Variants in SCML4 observed in about 807,000 individuals in gnomAD.
SCML4 encodes sex comb on midleg-like protein 4.
In SCML4, 34 loss-of-function variants were observed where a neutral mutation model predicts 41.1. That is an observed-to-expected ratio of 0.83 (90% confidence interval 0.63 to 1.10). The LOEUF is 1.10. SCML4 is among the 50% of genes least tolerant of loss of function. The probability of loss-of-function intolerance (pLI) is 0.00; values close to 1 mark genes in which losing one functional copy is unlikely to be tolerated. For missense variants in SCML4, 522 were observed against 534.1 expected, an observed-to-expected ratio of 0.98 and a Z score of 0.22; for synonymous variants, 214 against 220.9, an observed-to-expected ratio of 0.97 and a Z score of 0.28.
chr6:107,711,322 TATAC>T (rs2114355248), intron 6 of SCML4, among the ~76,000 whole-genome samples: 1 of 152,330 alleles, frequency 6.6e-6, no homozygotes, highest in Admixed American at 6.5e-5. Flanking sequence ...TCAGAGTACA[TATAC>T]AGTCATGCAC....
chr6:107,740,968 G>A (rs892637605), intron 5 of SCML4, among the ~76,000 whole-genome samples: 1 of 152,166 alleles, frequency 6.6e-6, no homozygotes, highest in Non-Finnish European at 1.5e-5. Flanking sequence ...AATAACAAAA[G>A]GGGGAAGGTT....
At chr6:107,839,628 GATTAA>G in the SCML4 span, among the ~76,000 whole-genome samples, 2 of 152,098 alleles carry the variant, frequency 1.3e-5, no homozygotes, top group African/African-American at 4.8e-5. Context: ...GATTTTTAAG[GATTAA>G]ATTAAAATTT....
chr6:107,748,463 T>C (rs1778330544), intron 3 of SCML4, among the ~76,000 whole-genome samples: 1 of 152,182 alleles, frequency 6.6e-6, no homozygotes, highest in South Asian at 2.1e-4. Flanking sequence ...GGTGGTATTA[T>C]TACTGATTTA....
chr6:107,803,015 G>C (rs1783342166), intron 1 of SCML4, among the ~76,000 whole-genome samples: 1 of 151,690 alleles, frequency 6.6e-6, no homozygotes, highest in African/African-American at 2.4e-5. Flanking sequence ...CGAGGTGCCG[G>C]GATGGCAGAC....
chr6:107,770,324 A>G (rs1299835096), intron 2 of SCML4, among the ~76,000 whole-genome samples: 1 of 152,148 alleles, frequency 6.6e-6, no homozygotes, highest in Non-Finnish European at 1.5e-5. Context: ...TTTAAGGGGA[A>G]TCATTTGAAC....
chr6:107,731,370 T>C (rs1776526404), intron 5 of SCML4, among the ~76,000 whole-genome samples: 1 of 152,204 alleles, frequency 6.6e-6, no homozygotes, highest in Non-Finnish European at 1.5e-5. Flanking sequence ...ACAATTCCAC[T>C]ATGCAAAATT....
chr6:107,733,871 T>C (rs2141266), intron 5 of SCML4, among the ~76,000 whole-genome samples: 149,274 of 152,334 alleles, frequency 0.98, 73,210 homozygotes, highest in Middle Eastern at 1. Context: ...GACAGGCTCA[T>C]CAGAAACAGA....
intron 2 of SCML4, among the ~76,000 whole-genome samples, chr6:107,759,410 T>G (rs1583510372): frequency 6.6e-6 from 1 of 152,018 alleles, no homozygotes; most frequent in East Asian, 1.9e-4. Context: ...GGAGGCAAAG[T>G]GCAGAAAAGA....
At chr6:107,784,586 ACT>A (rs1300259934) in intron 1 of SCML4, among the ~76,000 whole-genome samples, 1 of 152,160 alleles carries the variant, frequency 6.6e-6, no homozygotes, top group East Asian at 1.9e-4. Flanking sequence ...GGTTCTAAGG[ACT>A]GGAGAGAGAG....
At chr6:107,721,955 C>T (rs1374809377) in intron 5 of SCML4, among the ~76,000 whole-genome samples, 2 of 151,524 alleles carry the variant, frequency 1.3e-5, no homozygotes, top group Non-Finnish European at 2.9e-5. Flanking sequence ...TCATCAGCGC[C>T]TCTTAAGTAA....
intron 4 of SCML4, 173 bp from the exon 5 acceptor site, chr6:107,745,316 G>A: frequency 1.8e-6 from 1 of 571,248 alleles, no homozygotes. Flanking sequence ...ATCCCACCCA[G>A]GACACCACAT....
the SCML4 span, among the ~76,000 whole-genome samples, chr6:107,845,159 C>A: frequency 6.6e-6 from 1 of 152,086 alleles, no homozygotes; most frequent in Non-Finnish European, 1.5e-5. Flanking sequence ...TCGCTTGAAC[C>A]CAGGAGGCAG....
At chr6:107,823,049 T>C (rs2114319083) in intron 1 of SCML4, among the ~76,000 whole-genome samples, 1 of 151,634 alleles carries the variant, frequency 6.6e-6, no homozygotes, top group East Asian at 1.9e-4. Context: ...AGCAGCTATA[T>C]CCCTCATTCT....
intron 1 of SCML4, among the ~76,000 whole-genome samples, chr6:107,776,853 C>T (rs967851785): frequency 2.6e-5 from 4 of 152,184 alleles, no homozygotes; most frequent in African/African-American, 9.7e-5. Context: ...TGGTTTAGCA[C>T]ATTATTTCAC....
intron 2 of SCML4, chr6:107,755,589 G>C (rs75802309): frequency 7.4e-7 from 1 of 1,347,594 alleles, no homozygotes; most frequent in Non-Finnish European, 9.9e-7. Flanking sequence ...AGTGGAATGG[G>C]GGGGTTCTCT....
chr6:107,801,812 T>C (rs914618707), intron 1 of SCML4, among the ~76,000 whole-genome samples: 1 of 152,024 alleles, frequency 6.6e-6, no homozygotes, highest in Non-Finnish European at 1.5e-5. Context: ...CGAGCCTTGC[T>C]CTGTCACCCA....
intron 7 of SCML4, 21 bp downstream of exon 7, chr6:107,707,845 T>C: frequency 6.4e-7 from 1 of 1,551,484 alleles, no homozygotes; most frequent in Non-Finnish European, 8.7e-7. Flanking sequence ...CCCCCCAAGG[T>C]CAAACCCACC....
intron 1 of SCML4, among the ~76,000 whole-genome samples, chr6:107,798,636 T>A (rs1031848767): frequency 5.3e-5 from 8 of 152,066 alleles, no homozygotes; most frequent in Admixed American, 1.3e-4. Context: ...TTTTTTACTT[T>A]GGACTTAATT....
intron 2 of SCML4, among the ~76,000 whole-genome samples, chr6:107,751,638 CTTT>C (rs1562219062): frequency 1.4e-3 from 183 of 128,516 alleles, no homozygotes; most frequent in African/African-American, 5.5e-3. Flanking sequence ...TTCTTTCTTT[CTTT>C]CTTTCTTTTT....
Sources: allele counts gnomAD v4.1 joint callset (sites outside exome capture counted in the v4.1 genomes callset), GRCh38; gene constraint gnomAD v4.1.1; transcripts MANE v1.5; gene names NCBI Gene and HGNC (gene_info 2026-07-23, HGNC 2026-07-21).